The following UNC13C variants were observed in gnomAD, a reference collection of about 807,000 sequenced individuals.
UNC13C encodes unc-13 homolog C.
UNC13C carries 174 observed loss-of-function variants against 245.4 expected under a neutral mutation model. That is an observed-to-expected ratio of 0.71 (90% CI 0.63 to 0.80). The LOEUF (loss-of-function observed/expected upper bound fraction) is 0.80, where lower values mean the gene tolerates loss of function less well. Among genes scored for constraint, UNC13C ranks in the 30% least tolerant of loss-of-function variants. UNC13C has a pLI of 0.00. For missense variants in UNC13C, 2,829 were observed against 2,602.9 expected (o/e 1.09, Z -1.89); for synonymous variants, 992 against 895.1 (o/e 1.11, Z -1.93).
intron 4 of UNC13C, among the ~76,000 whole-genome samples, chr15:54,217,717 T>C (rs16974320): frequency 0.046 from 6,990 of 152,000 alleles, 537 homozygotes; most frequent in African/African-American, 0.16. Flanking sequence ...TTTTTTCATT[T>C]TCCGCAGTAG....
chr15:54,019,114 A>G (rs546510743), intron 2 of UNC13C, among the ~76,000 whole-genome samples: 188 of 152,270 alleles, frequency 1.2e-3, no homozygotes, highest in African/African-American at 4.3e-3. Context: ...TAACACCACT[A>G]TTAATTTTAT....
At chr15:54,312,101 A>G (rs2037889047) in intron 13 of UNC13C, among the ~76,000 whole-genome samples, 1 of 151,848 alleles carries the variant, frequency 6.6e-6, no homozygotes, top group East Asian at 1.9e-4. Context: ...TTTAAATAAC[A>G]AAAATGTATA....
rs969658274 is a variant in UNC13C at position 54,292,896 on chromosome 15, A to C, written c.3819-999A>C. Reference sequence around the variant, plus strand: ...TATGTTTTATACATATATCTATATTAATTATAGATAATATATAGATTATAT... The same window carrying C: ...TATGTTTTATACATATATCTATATTCATTATAGATAATATATAGATTATAT... On this transcript the variant is annotated intron_variant, in intron 10 of 32. Coordinates refer to ENST00000260323, the MANE Select transcript of UNC13C (RefSeq NM_001080534.3). Among the ~76,000 whole-genome samples the C allele has an allele frequency of 4.7e-5, 7 of 148,272 alleles. 1 individual carries two copies. Among genetic ancestry groups the C allele is most frequent in the Non-Finnish European group, 8.9e-5 (6 of 67,134 alleles).
intron 4 of UNC13C, among the ~76,000 whole-genome samples, chr15:54,164,390 T>C (rs2141272407): frequency 6.6e-6 from 1 of 152,356 alleles, no homozygotes; most frequent in South Asian, 2.1e-4. Context: ...TTATACTGTA[T>C]ATCATTTGGT....
At chr15:54,007,070 A>G (rs576694816) in intron 1 of UNC13C, among the ~76,000 whole-genome samples, 1 of 152,344 alleles carries the variant, frequency 6.6e-6, no homozygotes, top group South Asian at 2.1e-4. Context: ...GTGGTGAACC[A>G]TATTTATGTA....
chr15:54,542,793 T>A (rs142667691), intron 26 of UNC13C, among the ~76,000 whole-genome samples: 10 of 152,264 alleles, frequency 6.6e-5, no homozygotes, highest in African/African-American at 2.2e-4. Flanking sequence ...TGGTTTAAAG[T>A]CTGTTTTATC....
chr15:54,201,827 G>C (rs954664764), intron 4 of UNC13C, among the ~76,000 whole-genome samples: 1 of 151,942 alleles, frequency 6.6e-6, no homozygotes, highest in Non-Finnish European at 1.5e-5. Context: ...AATCAGACAA[G>C]AGAAGGAACT....
At chr15:54,105,556 T>C (rs1338290330) in intron 2 of UNC13C, among the ~76,000 whole-genome samples, 1 of 152,224 alleles carries the variant, frequency 6.6e-6, no homozygotes, top group Non-Finnish European at 1.5e-5. Flanking sequence ...TCGTGAAGTT[T>C]AAACAGAAGT....
At chr15:54,281,823 G>A (rs1045560310) in intron 10 of UNC13C, among the ~76,000 whole-genome samples, 6 of 152,134 alleles carry the variant, frequency 3.9e-5, no homozygotes, top group African/African-American at 7.2e-5. Context: ...TAGTACAATA[G>A]TCAACAAGTG....
At chr15:54,076,021 C>G (rs1027504946) in intron 2 of UNC13C, among the ~76,000 whole-genome samples, 1 of 146,488 alleles carries the variant, frequency 6.8e-6, no homozygotes, top group African/African-American at 2.5e-5. Flanking sequence ...ATAGGGTCTT[C>G]TAGAGTTCTA....
chr15:54,549,402 C>G (rs1241007088), intron 27 of UNC13C, among the ~76,000 whole-genome samples: 1 of 152,142 alleles, frequency 6.6e-6, no homozygotes, highest in Non-Finnish European at 1.5e-5. Context: ...GCAACCTAGT[C>G]ATTAACCTAA....
chr15:54,313,854 A>G (rs1393610006), intron 13 of UNC13C, among the ~76,000 whole-genome samples: 3 of 151,812 alleles, frequency 2.0e-5, no homozygotes, highest in Non-Finnish European at 4.4e-5. Flanking sequence ...CATTAGTCAC[A>G]ATAACTAAGA....
chr15:53,964,054 C>T, the UNC13C span, among the ~76,000 whole-genome samples: 5 of 152,054 alleles, frequency 3.3e-5, no homozygotes, highest in African/African-American at 1.2e-4. Context: ...TGGTCTTTAC[C>T]CATTTTTTTT....
At chr15:54,343,300 AT>A (rs2038779980) in intron 17 of UNC13C, among the ~76,000 whole-genome samples, 1 of 151,742 alleles carries the variant, frequency 6.6e-6, no homozygotes, top group Non-Finnish European at 1.5e-5. Context: ...CGCCTGGCTT[AT>A]TTTGTATTTT....
At chr15:54,631,505 A>C (rs2141332442), downstream of UNC13C, 1 of 152,328 alleles carries the variant, frequency 6.6e-6, no homozygotes, top group African/African-American at 2.4e-5. Context: ...CTTTATAGAC[A>C]AACACTTTTC....
chr15:54,546,585 T>A, intron 26 of UNC13C, 137 bp from the exon 27 acceptor site: 1 of 464,994 alleles, frequency 2.2e-6, no homozygotes, highest in Non-Finnish European at 3.6e-6. Context: ...TACAGAATCA[T>A]GAAATAGTTT....
chr15:53,916,957 A>G, the UNC13C span, among the ~76,000 whole-genome samples: 1 of 152,192 alleles, frequency 6.6e-6, no homozygotes, highest in African/African-American at 2.4e-5. Flanking sequence ...ACAATGTTAC[A>G]GGTTCTTTGA....
intron 18 of UNC13C, among the ~76,000 whole-genome samples, chr15:54,410,576 C>G (rs527502219): frequency 6.6e-6 from 1 of 151,986 alleles, no homozygotes; most frequent in South Asian, 2.1e-4. Context: ...ATCTTCTGCA[C>G]GTGACTAGCC....
upstream of UNC13C, among the ~76,000 whole-genome samples, chr15:53,976,113 T>A (rs2140939055): frequency 6.6e-6 from 1 of 152,298 alleles, no homozygotes; most frequent in Non-Finnish European, 1.5e-5. Flanking sequence ...GATTTTGATG[T>A]CCCTGCAGGT....
Sources: allele counts gnomAD v4.1 joint callset (sites outside exome capture counted in the v4.1 genomes callset), GRCh38; gene constraint gnomAD v4.1.1; transcripts MANE v1.5; gene names NCBI Gene and HGNC (gene_info 2026-07-23, HGNC 2026-07-21).